UVSSA: variants seen among roughly 807,000 people sequenced by gnomAD.
UVSSA encodes the protein UV stimulated scaffold protein A.
Under a neutral mutation model 73.9 loss-of-function variants are expected in UVSSA, and 72 were observed. The ratio of observed to expected loss-of-function variants is 0.97; its 90% CI spans 0.81 to 1.19. UVSSA has a LOEUF of 1.19. Among genes scored for constraint, UVSSA ranks in the 50% most tolerant of loss-of-function variants. UVSSA has a pLI of 0.00. For synonymous variants in UVSSA, 454 were observed against 391.3 expected, an observed-to-expected ratio of 1.16 and a Z score of -1.89; for missense variants, 1,150 against 965.0, an observed-to-expected ratio of 1.19 and a Z score of -2.54.
chr4:1,352,298 G>A (rs561352096), intron 4 of UVSSA, among the ~76,000 whole-genome samples: 2 of 152,230 alleles, frequency 1.3e-5, no homozygotes, highest in African/African-American at 2.4e-5. Context: ...CCTGATGTGG[G>A]CGGAGGCACG....
At chr4:1,362,237 G>A (rs1366777507) in intron 7 of UVSSA, among the ~76,000 whole-genome samples, 4 of 152,220 alleles carry the variant, frequency 2.6e-5, no homozygotes, top group African/African-American at 4.8e-5. Flanking sequence ...CCGCCTCCCC[G>A]CGGTGGCTGG....
At chr4:1,395,675 G>C in exon 14 of UVSSA, 3 of 1,611,740 alleles carry the variant, frequency 1.9e-6, no homozygotes, top group Non-Finnish European at 2.5e-6. Flanking sequence ...GCTCACACAC[G>C]TGCCCATGTG....
At chr4:1,363,195 G>A (rs916974552) in intron 7 of UVSSA, among the ~76,000 whole-genome samples, 11 of 152,060 alleles carry the variant, frequency 7.2e-5, no homozygotes, top group East Asian at 5.8e-4. Flanking sequence ...GAAGCCCTGC[G>A]GCTGCCTCAG....
upstream of UVSSA, among the ~76,000 whole-genome samples, chr4:1,342,766 G>A (rs1713474833): frequency 5.3e-5 from 8 of 152,260 alleles, no homozygotes; most frequent in South Asian, 1.7e-3. Context: ...GAATAACGTT[G>A]GCTCCATTAG....
downstream of UVSSA, chr4:1,388,397 C>T (rs1462043198): frequency 6.6e-6 from 1 of 152,182 alleles, no homozygotes; most frequent in African/African-American, 2.4e-5. Flanking sequence ...CTAAGATTTT[C>T]CATACACAAA....
chr4:1,394,585 G>GCC (rs1720477399), exon 14 of UVSSA: 1 of 1,507,648 alleles, frequency 6.6e-7, no homozygotes, highest in Non-Finnish European at 9.0e-7. Context: ...GTGCCCGCCT[G>GCC]CTCATGTGCC....
At position 1,376,582 on chromosome 4, in the gene UVSSA, G is replaced by A. The variant is rs190527635; in HGVS notation, c.1568+414G>A. 3.3e-3 allele frequency among the ~76,000 whole-genome samples: 508 copies of A among 152,276 alleles called. 6 individuals carry two copies. Among genetic ancestry groups the A allele is most frequent in the African/African-American group, 0.012 (487 of 41,532 alleles). ...GTGACCGTGTGTCCAGACCTCAGGC[G>A]GGGGCTCTGCAAGGAGCCTCGGGAA... On this transcript the variant is annotated intron_variant, in intron 10 of 13. Transcript: ENST00000389851.
chr4:1,347,543 G>C lies in UVSSA; in HGVS notation c.-220G>C, dbSNP rs934967825. ...CCCAGCCTCCGCCCCGGCCTCGCCT[G>C]GCGCTTCCTTCCGGGTCCTTCGGCC... On this transcript the variant is annotated 5_prime_UTR_variant, in exon 1 of 14. Transcript: ENST00000389851. The C allele has an allele frequency of 1.3e-5, 2 of 152,542 alleles. No individual in the cohort carries two copies. Among genetic ancestry groups the C allele is most frequent in the African/African-American group, 4.8e-5 (2 of 41,470 alleles). 9.4% of individuals were successfully genotyped at this position (152,542 alleles called of 1,614,324 possible). A position where few individuals can be genotyped will look rare whatever the true frequency, so the allele number is the denominator to read the frequency against.
chr4:1,345,525 A>G (rs1157927403), upstream of UVSSA, among the ~76,000 whole-genome samples: 1 of 151,924 alleles, frequency 6.6e-6, no homozygotes, highest in Non-Finnish European at 1.5e-5. Flanking sequence ...GGTGACTGTC[A>G]TCCCAGCTAC....
chr4:1,377,074 G>A (rs550907589), intron 10 of UVSSA, among the ~76,000 whole-genome samples: 74 of 152,318 alleles, frequency 4.9e-4, no homozygotes, highest in African/African-American at 1.6e-3. Flanking sequence ...CGGGGTCTGC[G>A]GGGCGTGATG....
rs1714407682 is a variant in UVSSA at position 1,349,817 on chromosome 4, T to A, written c.392T>A (p.Leu131His). 1 of 1,581,844 alleles carries A rather than the reference T, an allele frequency of 6.3e-7. No individual in the cohort carries two copies. Among genetic ancestry groups the A allele is most frequent in the Non-Finnish European group, 8.6e-7 (1 of 1,163,154 alleles). The change falls in exon 3 of 14, where the codon CTT (leucine) becomes CAT (histidine). Residue 131 changes from leucine to histidine, a missense_variant. Coordinates refer to ENST00000389851, the MANE Select transcript of UVSSA (RefSeq NM_020894.4). ...NEKFGEAYKKLALGYHFLRHN... is the reference protein window; with the variant it reads ...NEKFGEAYKKHALGYHFLRHN... ...AAGTTTGGGGAGGCCTACAAGAAGC[T>A]TGCCTTGGGCTACCACTTCTTAAGA...
chr4:1,381,822 A>C (rs1214062654), intron 12 of UVSSA, among the ~76,000 whole-genome samples: 1 of 151,508 alleles, frequency 6.6e-6, no homozygotes, highest in Non-Finnish European at 1.5e-5. Flanking sequence ...TCATGCCACC[A>C]TGCCCGACTA....
chr4:1,385,728 TG>T, intron 13 of UVSSA, 139 bp from the exon 14 acceptor site: 1 of 819,252 alleles, frequency 1.2e-6, no homozygotes, highest in Non-Finnish European at 2.0e-6. Context: ...TCTCTGAAGG[TG>T]GCACCCACAG....
chr4:1,343,753 C>T (rs947550683), upstream of UVSSA, among the ~76,000 whole-genome samples: 1 of 152,082 alleles, frequency 6.6e-6, no homozygotes, highest in African/African-American at 2.4e-5. Flanking sequence ...CACCATTGCA[C>T]TCCAGCCTGG....
intron 7 of UVSSA, among the ~76,000 whole-genome samples, chr4:1,355,833 T>C (rs1451106685): frequency 1.3e-5 from 2 of 151,812 alleles, no homozygotes; most frequent in Admixed American, 1.3e-4. Context: ...CTCTGGTGGG[T>C]GAAGCTGGGA....
Position 1,386,066 on chromosome 4 carries a change from A to G in UVSSA, c.*105A>G. The G allele has an allele frequency of 8.5e-7, 1 of 1,174,288 alleles. No homozygotes were observed. 72.7% of individuals were successfully genotyped at this position (1,174,288 alleles called of 1,614,324 possible). ...GGGCAGTAACCATGCTTTGTCTATT[A>G]CTGTGTTTGATGTAAAGAAATGGTG... On this transcript the variant is annotated 3_prime_UTR_variant, in exon 14 of 14. Coordinates refer to ENST00000389851, the MANE Select transcript of UVSSA (RefSeq NM_020894.4).
chr4:1,372,861 T>TGCTACTCA (rs1718297891), intron 8 of UVSSA, among the ~76,000 whole-genome samples: 1 of 31,392 alleles, frequency 3.2e-5, no homozygotes, highest in Non-Finnish European at 2.0e-4. Context: ...CCCGCGTCCC[T>TGCTACTCA]GCACTCACCT....
chr4:1,395,725 T>G (rs1165920870), exon 14 of UVSSA: 2 of 1,614,246 alleles, frequency 1.2e-6, no homozygotes, highest in Admixed American at 1.7e-5. Flanking sequence ...GCATGGTGGT[T>G]CTGTAGGTTT....
chr4:1,385,662 G>T, intron 13 of UVSSA: 1 of 593,854 alleles, frequency 1.7e-6, no homozygotes, highest in Non-Finnish European at 3.0e-6. Context: ...ACCTGGGGCG[G>T]CCCTTTCTAA....
Sources: gnomAD v4.1 joint callset for allele counts (sites outside exome capture counted in the v4.1 genomes callset) on GRCh38, gnomAD v4.1.1 for gene constraint, MANE v1.5 for transcripts, NCBI Gene and HGNC (gene_info 2026-07-23, HGNC 2026-07-21) for gene names.